The following MAPK14 variants were observed in gnomAD, a reference collection of about 807,000 sequenced individuals.
The protein encoded by MAPK14 is CSAID-binding protein.
MAPK14 carries 16 observed loss-of-function variants against 49.6 expected under a neutral mutation model. That is an observed-to-expected ratio of 0.32 (90% CI 0.22 to 0.49). The LOEUF is 0.49. Ranked by LOEUF, MAPK14 falls within the 20% of genes least tolerant of loss-of-function variation. The probability of loss-of-function intolerance (pLI) is 0.99; values close to 1 mark genes in which losing one functional copy is unlikely to be tolerated. For synonymous variants in MAPK14, 142 were observed against 158.0 expected (o/e 0.90, Z 0.76); for missense variants, 200 against 441.2 (o/e 0.45, Z 4.90).
chr6:36,027,996 C>T lies in MAPK14; in HGVS notation c.-162C>T, dbSNP rs1762372977. On this transcript the variant is annotated 5_prime_UTR_variant, in exon 1 of 12. Coordinates refer to ENST00000229794, the MANE Select transcript of MAPK14 (RefSeq NM_139012.3). ...TCCAGCCGCTGCGGCTGACAGCAGC[C>T]GCGCGCGCGGGAGTCTGCGGGGTCG... The T allele has an allele frequency of 2.2e-6, 1 of 447,174 alleles. No individual in the cohort carries two copies. 27.7% of individuals were successfully genotyped at this position (447,174 alleles called of 1,614,324 possible). A position where few individuals can be genotyped will look rare whatever the true frequency, so the allele number is the denominator to read the frequency against.
chr6:36,113,982 G>A (rs978653374), downstream of MAPK14, among the ~76,000 whole-genome samples: 1 of 152,156 alleles, frequency 6.6e-6, no homozygotes, highest in East Asian at 1.9e-4. Context: ...TCAGTAGAAG[G>A]GTGTATTTTA....
intron 8 of MAPK14, chr6:36,092,442 C>T: frequency 1.5e-6 from 1 of 662,210 alleles, no homozygotes; most frequent in South Asian, 1.4e-5. Flanking sequence ...GTGAAGCGTT[C>T]TCTGCAGCAC....
chr6:36,090,345 A>G (rs751358867), intron 8 of MAPK14, among the ~76,000 whole-genome samples: 17 of 150,354 alleles, frequency 1.1e-4, no homozygotes, highest in Non-Finnish European at 2.2e-4. Flanking sequence ...TTTTTTTGAG[A>G]TGGAGTCTCA....
At chr6:36,123,612 C>T in the MAPK14 span, among the ~76,000 whole-genome samples, 4 of 152,232 alleles carry the variant, frequency 2.6e-5, no homozygotes, top group Non-Finnish European at 5.9e-5. Context: ...CTTTACTGAG[C>T]AGCTACAATG....
intron 8 of MAPK14, among the ~76,000 whole-genome samples, chr6:36,093,166 C>T (rs1765306175): frequency 1.3e-5 from 2 of 152,004 alleles, no homozygotes; most frequent in Non-Finnish European, 2.9e-5. Flanking sequence ...TTAGAAGTGC[C>T]TGGAATATCT....
intron 10 of MAPK14, among the ~76,000 whole-genome samples, chr6:36,104,183 C>T (rs947657389): frequency 2.6e-5 from 4 of 152,088 alleles, no homozygotes; most frequent in African/African-American, 9.7e-5. Context: ...TCAGCTGGGT[C>T]GCTCTCCTGC....
chr6:36,087,999 A>T (rs138177846), intron 8 of MAPK14, among the ~76,000 whole-genome samples: 1 of 152,216 alleles, frequency 6.6e-6, no homozygotes, highest in African/African-American at 2.4e-5. Context: ...CTGATCTTCA[A>T]CAAACCTGAC....
At chr6:36,102,444 C>T (rs1163100922) in intron 9 of MAPK14, 127 bp from the exon 10 acceptor site, 1 of 657,220 alleles carries the variant, frequency 1.5e-6, no homozygotes, top group African/African-American at 2.0e-5. Flanking sequence ...CTATCAAAGA[C>T]AGTTAGAAAC....
intron 8 of MAPK14, among the ~76,000 whole-genome samples, chr6:36,087,436 T>C (rs1007061495): frequency 1.3e-5 from 2 of 152,222 alleles, no homozygotes; most frequent in Non-Finnish European, 2.9e-5. Context: ...CAGCAAAGTC[T>C]CGGGATACAA....
chr6:36,073,683 T>A lies in MAPK14; in HGVS notation c.418-8T>A. The A allele has an allele frequency of 6.2e-7, 1 of 1,611,110 alleles. No homozygotes were observed. The highest frequency in any genetic ancestry group is 8.5e-7 in the Non-Finnish European group (1 of 1,178,604). On this transcript the variant is annotated splice_region_variant and splice_polypyrimidine_tract_variant and intron_variant, in intron 4 of 11. Coordinates refer to ENST00000229794, the MANE Select transcript of MAPK14 (RefSeq NM_139012.3). ...TGGAGGTAACTTTGACTTTTTTCTC[T>A]TTTGCAGTATATACATTCAGCTGAC...
chr6:36,087,241 T>G (rs749636277), intron 8 of MAPK14, among the ~76,000 whole-genome samples: 1 of 152,212 alleles, frequency 6.6e-6, no homozygotes, highest in South Asian at 2.1e-4. Context: ...AAGGATGCCC[T>G]CTTTCCCTAC....
chr6:36,033,184 A>G (rs1762607827), intron 1 of MAPK14, among the ~76,000 whole-genome samples: 1 of 152,218 alleles, frequency 6.6e-6, no homozygotes, highest in African/African-American at 2.4e-5. Context: ...GTATGTTACC[A>G]GTGCCAGTCA....
downstream of MAPK14, among the ~76,000 whole-genome samples, chr6:36,111,750 A>G (rs146245212): frequency 4.6e-5 from 7 of 152,172 alleles, no homozygotes; most frequent in East Asian, 1.4e-3. Context: ...CTGTGAGGAT[A>G]TTGAGAGCTG....
chr6:36,071,543 C>T (rs1223568826), intron 3 of MAPK14, among the ~76,000 whole-genome samples: 1 of 152,124 alleles, frequency 6.6e-6, no homozygotes, highest in Non-Finnish European at 1.5e-5. Context: ...TCTGGAATGC[C>T]TCATCTTGCC....
At chr6:36,089,970 T>C (rs1216027706) in intron 8 of MAPK14, among the ~76,000 whole-genome samples, 3 of 152,218 alleles carry the variant, frequency 2.0e-5, no homozygotes, top group African/African-American at 7.2e-5. Context: ...TTTCCTTTTC[T>C]CCATAATCAA....
At chr6:36,084,665 A>C (rs961414708) in intron 8 of MAPK14, among the ~76,000 whole-genome samples, 1 of 152,350 alleles carries the variant, frequency 6.6e-6, no homozygotes, top group South Asian at 2.1e-4. Context: ...TTTGAGAACT[A>C]TGGGATTATT....
At chr6:36,054,133 G>A (rs993474303) in intron 2 of MAPK14, among the ~76,000 whole-genome samples, 1 of 152,102 alleles carries the variant, frequency 6.6e-6, no homozygotes, top group Non-Finnish European at 1.5e-5. Context: ...AAGTGGCCTG[G>A]CAGCTTTAAG....
intron 9 of MAPK14, chr6:36,097,187 C>G (rs1261380891): frequency 6.6e-6 from 1 of 152,228 alleles, no homozygotes; most frequent in African/African-American, 2.4e-5. Flanking sequence ...TTCTGAACCT[C>G]CACTCTGAAT....
intron 2 of MAPK14, among the ~76,000 whole-genome samples, chr6:36,054,598 CAT>C (rs1763524861): frequency 6.6e-6 from 1 of 152,156 alleles, no homozygotes; most frequent in Non-Finnish European, 1.5e-5. Context: ...CTGAATGTCT[CAT>C]AGTTCTCTAT....
Sources: gnomAD v4.1 joint callset for allele counts (sites outside exome capture counted in the v4.1 genomes callset) on GRCh38, gnomAD v4.1.1 for gene constraint, MANE v1.5 for transcripts, NCBI Gene and HGNC (gene_info 2026-07-23, HGNC 2026-07-21) for gene names.